Variants in AIM2 observed in about 807,000 individuals in gnomAD.
AIM2 encodes the protein interferon-inducible protein AIM2.
In AIM2, 30 loss-of-function variants were observed where a neutral mutation model predicts 27.7. The ratio of observed to expected loss-of-function variants is 1.08; its 90% CI spans 0.81 to 1.47. AIM2 has a LOEUF of 1.47. Among genes scored for constraint, AIM2 ranks in the 40% most tolerant of loss-of-function variants. AIM2 has a pLI of 0.00. For synonymous variants in AIM2, 141 were observed against 145.3 expected, an observed-to-expected ratio of 0.97 and a Z score of 0.21; for missense variants, 358 against 411.3, an observed-to-expected ratio of 0.87 and a Z score of 1.12.
chr1:159,113,271 T>C lies in AIM2; in HGVS notation c.-16+27160A>G, dbSNP rs145491264. On this transcript the variant is annotated intron_variant, in intron 1 of 2. Coordinates refer to the AIM2 transcript ENST00000368129. ...AATCTAATATTACATGATAGGCATT[T>C]TGTCATATCATTGTTATCTTTTATT... 5.6e-4 allele frequency among the ~76,000 whole-genome samples: 86 copies of C among 152,274 alleles called. 1 individual carries two copies. Among genetic ancestry groups the C allele is most frequent in the Middle Eastern group, 3.4e-3 (1 of 294 alleles).
At chr1:159,077,145 A>G (rs1349540600), upstream of AIM2, among the ~76,000 whole-genome samples, 1 of 152,222 alleles carries the variant, frequency 6.6e-6, no homozygotes, top group African/African-American at 2.4e-5. Context: ...ATGAGACCCA[A>G]GCGAAAGTAT....
intron 1 of AIM2, among the ~76,000 whole-genome samples, chr1:159,128,148 G>A (rs939360711): frequency 2.0e-5 from 3 of 152,030 alleles, no homozygotes; most frequent in Admixed American, 6.6e-5. Flanking sequence ...ACAGTGCTTA[G>A]TATAAAATAG....
chr1:159,133,241 A>T (rs1647940916), intron 1 of AIM2, among the ~76,000 whole-genome samples: 1 of 152,078 alleles, frequency 6.6e-6, no homozygotes, highest in Admixed American at 6.6e-5. Context: ...ACAGAAACTC[A>T]AGTATCTCCC....
Position 159,082,967 on chromosome 1 carries a change from T to G in AIM2, c.-15-16638A>C, listed in dbSNP as rs560950162. On this transcript the variant is annotated intron_variant, in intron 1 of 2. Transcript: ENST00000368129. ...ATATATGTGTAAGTTTTGCAGGTAG[T>G]GGGTGGTTGCAGAGAAATTACCTGA... Among the ~76,000 whole-genome samples, 224 of 152,248 alleles carry G rather than the reference T, an allele frequency of 1.5e-3. 1 individual carries two copies. Among genetic ancestry groups the G allele is most frequent in the Non-Finnish European group, 1.9e-3 (132 of 68,010 alleles).
At chr1:159,107,083 G>A (rs1657466210) in intron 1 of AIM2, among the ~76,000 whole-genome samples, 1 of 152,222 alleles carries the variant, frequency 6.6e-6, no homozygotes, top group Admixed American at 6.5e-5. Flanking sequence ...CTATGGTAAA[G>A]TGGTCAAATC....
At chr1:159,060,999 C>A (rs1043231579), downstream of AIM2, among the ~76,000 whole-genome samples, 1 of 152,118 alleles carries the variant, frequency 6.6e-6, no homozygotes, top group Non-Finnish European at 1.5e-5. Flanking sequence ...TCATTCCCAC[C>A]AGCAATAAGT....
downstream of AIM2, among the ~76,000 whole-genome samples, chr1:159,060,795 G>A (rs868472544): frequency 1.3e-5 from 2 of 152,198 alleles, no homozygotes; most frequent in African/African-American, 4.8e-5. Flanking sequence ...TTTTTCAGGT[G>A]AGGGATAATC....
intron 1 of AIM2, among the ~76,000 whole-genome samples, chr1:159,075,609 T>C (rs74122256): frequency 6.8e-5 from 10 of 147,014 alleles, no homozygotes; most frequent in African/African-American, 2.3e-4. Context: ...TATATATATA[T>C]ATAGAGAGAG....
At chr1:159,140,972 G>T (rs982458823), upstream of AIM2, among the ~76,000 whole-genome samples, 15 of 152,212 alleles carry the variant, frequency 9.9e-5, no homozygotes, top group African/African-American at 3.6e-4. Context: ...AGCTCATCCA[G>T]CTTGCTGCTG....
chr1:159,075,664 T>C (rs1252131764), intron 1 of AIM2, among the ~76,000 whole-genome samples: 1 of 151,754 alleles, frequency 6.6e-6, no homozygotes, highest in Non-Finnish European at 1.5e-5. Flanking sequence ...TTGGAATACA[T>C]GGAGAACCAT....
the AIM2 span, among the ~76,000 whole-genome samples, chr1:159,056,748 A>AAAAC: frequency 7.2e-6 from 1 of 138,544 alleles, no homozygotes; most frequent in Non-Finnish European, 1.5e-5. Context: ...AAAAAAAAAA[A>AAAAC]CTACCCTTTA....
chr1:159,063,512 T>C lies in AIM2; in HGVS notation c.979A>G (p.Thr327Ala), dbSNP rs761025420. The change falls in exon 5 of 6, where the codon ACA (threonine) becomes GCA (alanine). Residue 327 changes from threonine (T) to alanine (A), a missense_variant. Coordinates refer to ENST00000368130, the MANE Select transcript of AIM2 (RefSeq NM_004833.3). ...LSKNGEKLQLTSGVHSTIKVI... is the reference protein window; with the variant it reads ...LSKNGEKLQLASGVHSTIKVI... ...TTTATGGTGCTATGAACTCCAGATG[T>C]CAGCTGTAGTTTTTCTCCATTTTTT... 1 of 1,613,932 alleles carries C rather than the reference T, an allele frequency of 6.2e-7. No individual in the cohort carries two copies. The highest frequency in any genetic ancestry group is 8.5e-7 in the Non-Finnish European group (1 of 1,179,954).
chr1:159,131,816 T>C (rs1470854227), intron 1 of AIM2, among the ~76,000 whole-genome samples: 3 of 152,208 alleles, frequency 2.0e-5, no homozygotes, highest in Non-Finnish European at 4.4e-5. Flanking sequence ...TTATTAATGG[T>C]ATTTCAGATA....
chr1:159,056,732 A>AC, the AIM2 span, among the ~76,000 whole-genome samples: 50 of 141,662 alleles, frequency 3.5e-4, no homozygotes, highest in Non-Finnish European at 6.6e-4. Context: ...AAAAAAAAAA[A>AC]AAAAAAAAAA....
chr1:159,087,527 T>C (rs937677044), intron 1 of AIM2, among the ~76,000 whole-genome samples: 1 of 151,982 alleles, frequency 6.6e-6, no homozygotes. Flanking sequence ...GCCATCTGTG[T>C]GTTATAAAAA....
At chr1:159,058,076 G>T (rs1655715144), downstream of AIM2, among the ~76,000 whole-genome samples, 1 of 152,156 alleles carries the variant, frequency 6.6e-6, no homozygotes, top group South Asian at 2.1e-4. Context: ...TTCTTAGGCT[G>T]GGCACGGTGG....
At chr1:159,067,444 T>C (rs72709578) in intron 3 of AIM2, among the ~76,000 whole-genome samples, 6,362 of 152,276 alleles carry the variant, frequency 0.042, 140 homozygotes, top group Middle Eastern at 0.048. Context: ...TAGGAGTCTC[T>C]GAAGGGTGTC....
At chr1:159,088,143 G>A (rs1656960324) in intron 1 of AIM2, among the ~76,000 whole-genome samples, 1 of 152,128 alleles carries the variant, frequency 6.6e-6, no homozygotes, top group African/African-American at 2.4e-5. Context: ...GGCACAGGAT[G>A]CTTTTGATGT....
chr1:159,134,769 T>C (rs1245351136), intron 1 of AIM2, among the ~76,000 whole-genome samples: 1 of 152,048 alleles, frequency 6.6e-6, no homozygotes, highest in African/African-American at 2.4e-5. Context: ...GAGGCGGAGG[T>C]TGCAGTGAGC....
Sources: gnomAD v4.1 joint callset for allele counts (sites outside exome capture counted in the v4.1 genomes callset) on GRCh38, gnomAD v4.1.1 for gene constraint, MANE v1.5 for transcripts, NCBI Gene and HGNC (gene_info 2026-07-23, HGNC 2026-07-21) for gene names.